Variants in PCSK2 observed in about 807,000 individuals in gnomAD.
PCSK2 encodes neuroendocrine convertase 2.
In PCSK2, 14 loss-of-function variants were observed where a neutral mutation model predicts 69.7. The ratio of observed to expected loss-of-function variants is 0.20; its 90% CI spans 0.13 to 0.31. The LOEUF (loss-of-function observed/expected upper bound fraction) is 0.31, where lower values mean the gene tolerates loss of function less well. PCSK2 is among the 10% of genes least tolerant of loss of function. PCSK2 has a pLI of 1.00. For missense variants in PCSK2, 544 were observed against 842.5 expected (o/e 0.65, Z 4.39); for synonymous variants, 307 against 320.7 (o/e 0.96, Z 0.46).
At chr20:17,250,277 T>C (rs1018355244) in intron 1 of PCSK2, among the ~76,000 whole-genome samples, 1 of 152,230 alleles carries the variant, frequency 6.6e-6, no homozygotes, top group African/African-American at 2.4e-5. Flanking sequence ...GGAAAAGTTC[T>C]GCAGCTCTTT....
Position 17,249,504 on chromosome 20 carries a change from CA to C in PCSK2, c.178-10717del, listed in dbSNP as rs56315843. 3.3e-3 allele frequency among the ~76,000 whole-genome samples: 374 copies of C among 112,330 alleles called. 1 individual carries two copies. Among genetic ancestry groups the C allele is most frequent in the Non-Finnish European group, 4.4e-3 (255 of 57,866 alleles). The allele number at this position is 112,330 out of a possible 152,430, so 73.7% of individuals were successfully genotyped here. On this transcript the variant is annotated intron_variant, in intron 1 of 11. Coordinates refer to ENST00000262545, the MANE Select transcript of PCSK2 (RefSeq NM_002594.5). ...ACTGGGAGAGAGCGAGACTCTGTCT[CA>C]AAAAAAAAAAAAAAAAAAGTTGCAT...
At chr20:17,460,576 A>G (rs951710425) in intron 10 of PCSK2, among the ~76,000 whole-genome samples, 1 of 152,236 alleles carries the variant, frequency 6.6e-6, no homozygotes, top group African/African-American at 2.4e-5. Context: ...CTATTGTCTT[A>G]TCAACAAAAG....
intron 1 of PCSK2, among the ~76,000 whole-genome samples, chr20:17,256,606 C>A (rs1343832843): frequency 1.3e-5 from 2 of 151,630 alleles, no homozygotes; most frequent in Admixed American, 6.6e-5. Flanking sequence ...TTTCCTGCAC[C>A]CCCACCCCTG....
chr20:17,306,353 G>A (rs1416705322), intron 2 of PCSK2, among the ~76,000 whole-genome samples: 2 of 151,992 alleles, frequency 1.3e-5, no homozygotes, highest in Non-Finnish European at 2.9e-5. Flanking sequence ...TAAGCCCTTC[G>A]GTGACTGAAC....
Position 17,420,969 on chromosome 20 carries a change from G to A in PCSK2, c.621-8466G>A, listed in dbSNP as rs16999159. Among the ~76,000 whole-genome samples, 1,423 of 152,302 alleles carry A rather than the reference G, an allele frequency of 9.3e-3. 14 individuals are homozygous for A. The highest frequency in any genetic ancestry group is 0.039 in the South Asian group (186 of 4,820). Reference sequence around the variant, plus strand: ...GCAAAGAGATTTCTACAGGAGCTAAGTCAAAGATTATTCAACGACAAAGAA... The same window carrying A: ...GCAAAGAGATTTCTACAGGAGCTAAATCAAAGATTATTCAACGACAAAGAA... On this transcript the variant is annotated intron_variant, in intron 6 of 11. Coordinates refer to ENST00000262545, the MANE Select transcript of PCSK2 (RefSeq NM_002594.5).
At chr20:17,441,832 A>G (rs561112508) in intron 8 of PCSK2, among the ~76,000 whole-genome samples, 5 of 152,038 alleles carry the variant, frequency 3.3e-5, no homozygotes, top group Admixed American at 2.0e-4. Context: ...CGGCATCAGC[A>G]CCTCTTCTGT....
intron 1 of PCSK2, among the ~76,000 whole-genome samples, chr20:17,233,272 T>C (rs905623070): frequency 2.0e-5 from 3 of 152,060 alleles, no homozygotes; most frequent in Admixed American, 6.6e-5. Context: ...CTGTGAAAAA[T>C]AAATAATGTA....
In PCSK2 at chr20:17,320,775, G is replaced by A. The variant is rs150317782; in HGVS notation, c.283-37552G>A. Among the ~76,000 whole-genome samples the A allele has an allele frequency of 1.7e-3, 258 of 152,326 alleles. 2 individuals are homozygous for A. Among genetic ancestry groups the A allele is most frequent in the African/African-American group, 6.1e-3 (252 of 41,572 alleles). On this transcript the variant is annotated intron_variant, in intron 2 of 11. Coordinates refer to ENST00000262545, the MANE Select transcript of PCSK2 (RefSeq NM_002594.5). ...CTAGTGAGTCAGAGAAAAGCCTTCA[G>A]GCAGAGACAGTATTTTGGGGTTTCT...
At chr20:17,264,953 T>A (rs965975838) in intron 2 of PCSK2, among the ~76,000 whole-genome samples, 5 of 152,140 alleles carry the variant, frequency 3.3e-5, no homozygotes, top group Non-Finnish European at 7.4e-5. Context: ...AAGCTCTGCC[T>A]CCCGGGTTCA....
chr20:17,292,797 T>C (rs1988742218), intron 2 of PCSK2, among the ~76,000 whole-genome samples: 1 of 152,112 alleles, frequency 6.6e-6, no homozygotes, highest in Non-Finnish European at 1.5e-5. Context: ...TTATTGTGAA[T>C]ACTTTTTCTT....
chr20:17,310,835 CAAA>C (rs915230444), intron 2 of PCSK2, among the ~76,000 whole-genome samples: 11 of 151,666 alleles, frequency 7.3e-5, no homozygotes, highest in African/African-American at 2.7e-4. Flanking sequence ...ACTAAAAATA[CAAA>C]AATTTTTATT....
At chr20:17,256,116 A>G (rs1987166836) in intron 1 of PCSK2, among the ~76,000 whole-genome samples, 1 of 152,204 alleles carries the variant, frequency 6.6e-6, no homozygotes, top group Non-Finnish European at 1.5e-5. Context: ...TTTTAAAATT[A>G]CTAATTCAAT....
chr20:17,328,519 T>C (rs1415928764), intron 2 of PCSK2, among the ~76,000 whole-genome samples: 1 of 151,752 alleles, frequency 6.6e-6, no homozygotes, highest in African/African-American at 2.4e-5. Context: ...ATTTAGTACA[T>C]ATTTATTAGC....
chr20:17,400,774 T>C (rs940312701), intron 5 of PCSK2, among the ~76,000 whole-genome samples: 1 of 152,204 alleles, frequency 6.6e-6, no homozygotes, highest in Non-Finnish European at 1.5e-5. Flanking sequence ...CTATCCACTC[T>C]ATTCTACATA....
At chr20:17,275,616 AAAG>A (rs1459433149) in intron 2 of PCSK2, among the ~76,000 whole-genome samples, 1 of 152,200 alleles carries the variant, frequency 6.6e-6, no homozygotes, top group East Asian at 1.9e-4. Flanking sequence ...ACTGAGTTTA[AAAG>A]AAGCTCAAAT....
At chr20:17,462,986 A>C (rs1420538020) in intron 10 of PCSK2, among the ~76,000 whole-genome samples, 2 of 152,250 alleles carry the variant, frequency 1.3e-5, no homozygotes, top group Non-Finnish European at 2.9e-5. Flanking sequence ...AAGGGATACT[A>C]GAAGGAACCT....
intron 8 of PCSK2, among the ~76,000 whole-genome samples, chr20:17,448,486 A>G (rs2032741447): frequency 6.6e-6 from 1 of 152,192 alleles, no homozygotes; most frequent in Admixed American, 6.5e-5. Context: ...TGGGCTTGTG[A>G]GAGGCTACTT....
chr20:17,374,351 G>A (rs1193574031), intron 5 of PCSK2, among the ~76,000 whole-genome samples: 1 of 152,198 alleles, frequency 6.6e-6, no homozygotes, highest in African/African-American at 2.4e-5. Flanking sequence ...AAGCTCAGGG[G>A]TTCTGTTAGG....
intron 2 of PCSK2, among the ~76,000 whole-genome samples, chr20:17,287,746 A>G (rs1988567128): frequency 6.6e-6 from 1 of 152,132 alleles, no homozygotes; most frequent in South Asian, 2.1e-4. Flanking sequence ...TTTGGTTAAG[A>G]TTATAACCCT....
Sources: gnomAD v4.1 joint callset for allele counts (sites outside exome capture counted in the v4.1 genomes callset) on GRCh38, gnomAD v4.1.1 for gene constraint, MANE v1.5 for transcripts, NCBI Gene and HGNC (gene_info 2026-07-23, HGNC 2026-07-21) for gene names.